Variants in PAN3 observed in about 807,000 individuals in gnomAD.
The protein encoded by PAN3 is poly(A) specific ribonuclease subunit PAN3, also known as PAN2-PAN3 deadenylation complex subunit PAN3.
In PAN3, 19 loss-of-function variants were observed where a neutral mutation model predicts 96.2. The ratio of observed to expected loss-of-function variants is 0.20; its 90% CI spans 0.14 to 0.29. The LOEUF is 0.29. Ranked by LOEUF, PAN3 falls within the 10% of genes least tolerant of loss-of-function variation. The pLI, the probability that PAN3 is intolerant of heterozygous loss-of-function variation, is 1.00. For missense variants in PAN3, 882 were observed against 1,108.1 expected (o/e 0.80, Z 2.90); for synonymous variants, 433 against 406.6 (o/e 1.06, Z -0.78).
rs1566257272 is a variant in PAN3, at chr13:28,280,554, A to AT, written c.2319+13_2319+14insT. 14 of 1,427,602 alleles carry AT rather than the reference A, an allele frequency of 9.8e-6. No homozygotes were observed. In the African/African-American group the frequency reaches 1.1e-4, roughly 11 times the overall value. The allele number at this position is 1,427,602 out of a possible 1,614,324, so 88.4% of individuals were successfully genotyped here. A position where few individuals can be genotyped will look rare whatever the true frequency, so the allele number is the denominator to read the frequency against. ...AGACCTTGCAAAGGTAAAGAGTGTA[A>AT]ATTTTTTTTTTTTTTTTTTTTTTTT... On this transcript the variant is annotated intron_variant, in intron 16 of 18. Coordinates refer to ENST00000380958, the MANE Select transcript of PAN3 (RefSeq NM_175854.8).
chr13:28,139,514 T>TGTGTGTGTGTGTGTGTG (rs1869353072), intron 1 of PAN3, among the ~76,000 whole-genome samples: 1 of 93,100 alleles, frequency 1.1e-5, no homozygotes, highest in African/African-American at 5.2e-5. Context: ...AGGGGTGTGT[T>TGTGTGTGTGTGTGTGTG]TGTGTGTGTG....
chr13:28,232,463 A>G (rs1448437359), intron 6 of PAN3: 2 of 151,902 alleles, frequency 1.3e-5, no homozygotes, highest in East Asian at 1.9e-4. Flanking sequence ...ATGAAGCTCT[A>G]GTAGCTTCAA....
At chr13:28,264,021 A>G (rs1260929155) in intron 9 of PAN3, among the ~76,000 whole-genome samples, 1 of 152,120 alleles carries the variant, frequency 6.6e-6, no homozygotes, top group Non-Finnish European at 1.5e-5. Flanking sequence ...TTGACACTTG[A>G]TAATATAGTT....
intron 6 of PAN3, among the ~76,000 whole-genome samples, chr13:28,248,328 T>C (rs1043884544): frequency 1.1e-4 from 17 of 152,122 alleles, no homozygotes; most frequent in Admixed American, 1.1e-3. Flanking sequence ...GTGGAGTCTT[T>C]TGGTGTTTCT....
chr13:28,190,442 A>T (rs1877099936), intron 4 of PAN3, among the ~76,000 whole-genome samples: 1 of 150,790 alleles, frequency 6.6e-6, no homozygotes, highest in Non-Finnish European at 1.5e-5. Flanking sequence ...GGGGGTAGAG[A>T]TTGGGGGGTT....
At position 28,252,959 on chromosome 13, in the gene PAN3, C is replaced by T. The variant is rs192166272; in HGVS notation, c.1001-3333C>T. 3.2e-3 allele frequency among the ~76,000 whole-genome samples: 483 copies of T among 152,206 alleles called. 3 individuals are homozygous for T. The highest frequency in any genetic ancestry group is 0.011 in the African/African-American group (455 of 41,522). ...GTAACCATTGGTAGCCCTTTCCCTG[C>T]TGTATATGGAAAGATTGAAATTATA... is the stretch of plus-strand genomic sequence containing the variant. On this transcript the variant is annotated intron_variant, in intron 6 of 18. Transcript: ENST00000380958.
At chr13:28,221,664 C>T (rs1881428310) in intron 6 of PAN3, among the ~76,000 whole-genome samples, 1 of 152,110 alleles carries the variant, frequency 6.6e-6, no homozygotes, top group Admixed American at 6.6e-5. Context: ...TACTACCTGT[C>T]TCCCTTCCAA....
chr13:28,144,203 GTTTTTTTGTTTT>G (rs1287128413), intron 1 of PAN3, among the ~76,000 whole-genome samples: 44 of 129,026 alleles, frequency 3.4e-4, no homozygotes, highest in African/African-American at 1.1e-3. Context: ...GTTTCGATAA[GTTTTTTTGTTTT>G]TTTTTTTTTT....
At chr13:28,226,607 A>G (rs1048243368) in intron 6 of PAN3, among the ~76,000 whole-genome samples, 2 of 152,004 alleles carry the variant, frequency 1.3e-5, no homozygotes, top group African/African-American at 4.8e-5. Flanking sequence ...CTTGGAAAAT[A>G]ATTTTGTAAT....
At chr13:28,184,888 A>T (rs544223357) in intron 4 of PAN3, among the ~76,000 whole-genome samples, 1 of 152,116 alleles carries the variant, frequency 6.6e-6, no homozygotes, top group Non-Finnish European at 1.5e-5. Flanking sequence ...CTTCTGTCAC[A>T]TGTTACAGTT....
chr13:28,216,213 C>G (rs539189000), intron 5 of PAN3, among the ~76,000 whole-genome samples: 1 of 145,338 alleles, frequency 6.9e-6, no homozygotes, highest in Non-Finnish European at 1.5e-5. Flanking sequence ...AAAAAAAAAG[C>G]CAGGTAAAAA....
intron 14 of PAN3, among the ~76,000 whole-genome samples, chr13:28,276,464 G>A (rs1887067567): frequency 6.6e-6 from 1 of 152,170 alleles, no homozygotes; most frequent in South Asian, 2.1e-4. Context: ...GTTTCCTGGA[G>A]TTATAATAGG....
chr13:28,152,426 A>G (rs1871479656), intron 1 of PAN3, among the ~76,000 whole-genome samples: 1 of 151,968 alleles, frequency 6.6e-6, no homozygotes, highest in South Asian at 2.1e-4. Context: ...TCTACTAAAA[A>G]CACAAAAATT....
chr13:28,190,383 T>C (rs772682370), intron 4 of PAN3, among the ~76,000 whole-genome samples: 16 of 151,824 alleles, frequency 1.1e-4, no homozygotes, highest in Non-Finnish European at 2.1e-4. Context: ...GCTGGAATTA[T>C]AGGCACACCA....
intron 1 of PAN3, among the ~76,000 whole-genome samples, chr13:28,156,162 T>A (rs1208557177): frequency 6.6e-6 from 1 of 151,424 alleles, no homozygotes; most frequent in Non-Finnish European, 1.5e-5. Context: ...ATTGCTAGAC[T>A]GCTAACTAGA....
chr13:28,202,786 G>A (rs1403290047), intron 5 of PAN3, among the ~76,000 whole-genome samples: 1 of 152,002 alleles, frequency 6.6e-6, no homozygotes, highest in African/African-American at 2.4e-5. Flanking sequence ...CTACTGGATT[G>A]TAAATACTTG....
intron 6 of PAN3, among the ~76,000 whole-genome samples, chr13:28,255,631 T>C (rs1269617692): frequency 6.6e-6 from 1 of 152,168 alleles, no homozygotes; most frequent in Non-Finnish European, 1.5e-5. Context: ...CTAAATAGTA[T>C]GCATCTGTAG....
At chr13:28,139,534 G>GTGTGTA (rs1427679723) in intron 1 of PAN3, among the ~76,000 whole-genome samples, 2 of 148,252 alleles carry the variant, frequency 1.3e-5, no homozygotes, top group East Asian at 4.0e-4. Flanking sequence ...GTGTGTGTGT[G>GTGTGTA]TGTGTGTGTG....
At chr13:28,285,630 C>T (rs1008218486) in intron 17 of PAN3, among the ~76,000 whole-genome samples, 4 of 152,140 alleles carry the variant, frequency 2.6e-5, no homozygotes, top group Non-Finnish European at 5.9e-5. Context: ...ATTCTCATCG[C>T]TCAGATGTTA....
Sources: allele counts gnomAD v4.1 joint callset (sites outside exome capture counted in the v4.1 genomes callset), GRCh38; gene constraint gnomAD v4.1.1; transcripts MANE v1.5; gene names NCBI Gene and HGNC (gene_info 2026-07-23, HGNC 2026-07-21).